The following NOS1AP variants were observed in gnomAD, a reference collection of about 807,000 sequenced individuals.
The protein encoded by NOS1AP is nitric oxide synthase 1 adaptor protein, also known as carboxyl-terminal PDZ ligand of neuronal nitric oxide synthase protein.
In NOS1AP, 21 loss-of-function variants were observed where a neutral mutation model predicts 56.2. The ratio of observed to expected loss-of-function variants is 0.37; its 90% CI spans 0.26 to 0.54. The LOEUF (loss-of-function observed/expected upper bound fraction) is 0.54. Ranked by LOEUF, NOS1AP falls within the 20% of genes least tolerant of loss-of-function variation. NOS1AP has a pLI of 0.84. For synonymous variants in NOS1AP, 270 were observed against 274.6 expected (o/e 0.98, Z 0.17); for missense variants, 522 against 657.8 (o/e 0.79, Z 2.26).
Position 162,107,478 on chromosome 1 carries a change from T to A in NOS1AP, c.105+37196T>A, listed in dbSNP as rs557996075. On this transcript the variant is annotated intron_variant, in intron 1 of 9. Coordinates refer to ENST00000361897, the MANE Select transcript of NOS1AP (RefSeq NM_014697.3). ...CCTTCTTAGTAGCTAGGACTATAGG[T>A]GTGCACCACCACACTCAGCTAATTT... is the stretch of plus-strand genomic sequence containing the variant. Among the ~76,000 whole-genome samples, 548 of 152,296 alleles carry A rather than the reference T, an allele frequency of 3.6e-3. 2 individuals are homozygous for A. The highest frequency in any genetic ancestry group is 0.012 in the African/African-American group (514 of 41,568).
intron 8 of NOS1AP, among the ~76,000 whole-genome samples, chr1:162,359,469 C>T (rs1170947087): frequency 1.3e-5 from 2 of 151,756 alleles, no homozygotes; most frequent in African/African-American, 4.9e-5. Flanking sequence ...TTGTACATTT[C>T]AGCTGGCTTT....
intron 1 of NOS1AP, among the ~76,000 whole-genome samples, chr1:162,116,322 G>A (rs1000103295): frequency 1.1e-4 from 16 of 152,134 alleles, no homozygotes; most frequent in African/African-American, 2.7e-4. Flanking sequence ...CTTCCAGAAC[G>A]GGCTGCTCCC....
chr1:162,081,976 T>C (rs2102015543), intron 1 of NOS1AP, among the ~76,000 whole-genome samples: 1 of 151,470 alleles, frequency 6.6e-6, no homozygotes, highest in East Asian at 1.9e-4. Flanking sequence ...CATGTGCAGG[T>C]TTGTTGCATA....
chr1:162,223,624 TTTAA>T (rs1295945997), intron 2 of NOS1AP, among the ~76,000 whole-genome samples: 4 of 152,112 alleles, frequency 2.6e-5, no homozygotes, highest in Non-Finnish European at 4.4e-5. Flanking sequence ...AGAAAAAAAA[TTTAA>T]TTGTGTTTAT....
chr1:162,252,437 C>T (rs1653895652), intron 2 of NOS1AP, among the ~76,000 whole-genome samples: 2 of 152,114 alleles, frequency 1.3e-5, no homozygotes, highest in Non-Finnish European at 1.5e-5. Context: ...GTTATCTCTG[C>T]ATGTTGCCTC....
chr1:162,070,107 C>T lies in NOS1AP; in HGVS notation c.-71C>T. 4.7e-6 allele frequency: 6 copies of T among 1,269,438 alleles called. No individual in the cohort carries two copies. The highest frequency in any genetic ancestry group is 6.9e-6 in the Non-Finnish European group (6 of 871,456). 78.6% of individuals were successfully genotyped at this position (1,269,438 alleles called of 1,614,324 possible). The stretch of plus-strand genomic sequence containing the variant: ...GTCGCCGCGCCCAGCTCCAGTCTCC[C>T]CTCCCCGGGGTCTCGCCAGCCCCTT... On this transcript the variant is annotated 5_prime_UTR_variant, in exon 1 of 10. Coordinates refer to ENST00000361897, the MANE Select transcript of NOS1AP (RefSeq NM_014697.3).
At chr1:162,156,813 C>A (rs1649996197) in intron 2 of NOS1AP, among the ~76,000 whole-genome samples, 1 of 151,976 alleles carries the variant, frequency 6.6e-6, no homozygotes, top group Non-Finnish European at 1.5e-5. Flanking sequence ...GTTATTATTA[C>A]ATTTTATAGA....
rs565786964 is a variant in NOS1AP, at chr1:162,289,464, C to CTTTTTTTTTTTTTTTTT, written c.270+2032_270+2033insTTTTTTTTTTTTTTTTT. Among the ~76,000 whole-genome samples, 4 of 45,050 alleles carry CTTTTTTTTTTTTTTTTT rather than the reference C, an allele frequency of 8.9e-5. 2 individuals are homozygous for CTTTTTTTTTTTTTTTTT. 29.6% of individuals were successfully genotyped at this position (45,050 alleles called of 152,430 possible). A position where few individuals can be genotyped will look rare whatever the true frequency, so the allele number is the denominator to read the frequency against. On this transcript the variant is annotated intron_variant, in intron 3 of 9. Coordinates refer to ENST00000361897, the MANE Select transcript of NOS1AP (RefSeq NM_014697.3). ...TGGCGCCTGCCACCACGCCCAGCTA[C>CTTTTTTTTTTTTTTTTT]TTTTCTTTTTTTTTTTTTTTTTTTT...
chr1:162,247,693 T>TC (rs58094158), intron 2 of NOS1AP, among the ~76,000 whole-genome samples: 6,883 of 151,896 alleles, frequency 0.045, 460 homozygotes, highest in African/African-American at 0.16. Flanking sequence ...TTTTGTCCCG[T>TC]CCCCCCCACA....
chr1:162,226,278 A>C (rs1652937990), intron 2 of NOS1AP, among the ~76,000 whole-genome samples: 1 of 151,064 alleles, frequency 6.6e-6, no homozygotes, highest in African/African-American at 2.4e-5. Flanking sequence ...CCAAAAAAAG[A>C]AAAGAAAAGA....
intron 2 of NOS1AP, among the ~76,000 whole-genome samples, chr1:162,225,310 A>G (rs2101662092): frequency 6.6e-6 from 1 of 152,262 alleles, no homozygotes; most frequent in African/African-American, 2.4e-5. Context: ...TTCTGTCTGC[A>G]CTGCCTCTTC....
At chr1:162,358,082 C>T (rs556560308) in intron 8 of NOS1AP, among the ~76,000 whole-genome samples, 3 of 152,328 alleles carry the variant, frequency 2.0e-5, no homozygotes, top group East Asian at 3.9e-4. Context: ...CATCAACATT[C>T]TAAATCTGCT....
intron 2 of NOS1AP, among the ~76,000 whole-genome samples, chr1:162,252,928 A>G (rs558726169): frequency 4.3e-4 from 65 of 152,306 alleles, no homozygotes; most frequent in African/African-American, 1.3e-3. Context: ...TATTACAGAA[A>G]GTTCTGTTGG....
At chr1:162,163,203 A>G (rs1557812436) in intron 2 of NOS1AP, among the ~76,000 whole-genome samples, 1 of 152,204 alleles carries the variant, frequency 6.6e-6, no homozygotes, top group Non-Finnish European at 1.5e-5. Context: ...ATTCATTTAA[A>G]CACGGGGTGT....
chr1:162,168,366 T>A (rs2102124412), intron 2 of NOS1AP, among the ~76,000 whole-genome samples: 1 of 152,386 alleles, frequency 6.6e-6, no homozygotes, highest in Non-Finnish European at 1.5e-5. Context: ...CTGTTGAAGC[T>A]GGTCCACACT....
At chr1:162,168,373 C>G (rs1650603555) in intron 2 of NOS1AP, among the ~76,000 whole-genome samples, 1 of 152,230 alleles carries the variant, frequency 6.6e-6, no homozygotes, top group Non-Finnish European at 1.5e-5. Flanking sequence ...AGCTGGTCCA[C>G]ACTTTTCTGG....
chr1:162,175,027 C>T (rs892941408), intron 2 of NOS1AP, among the ~76,000 whole-genome samples: 5 of 152,132 alleles, frequency 3.3e-5, no homozygotes, highest in African/African-American at 4.8e-5. Context: ...ATGGCATTCT[C>T]ATCATATAAT....
At chr1:162,328,827 G>C (rs1320729668) in intron 4 of NOS1AP, among the ~76,000 whole-genome samples, 2 of 152,234 alleles carry the variant, frequency 1.3e-5, no homozygotes, top group African/African-American at 4.8e-5. Context: ...TACTTTGTTA[G>C]AGAGTGAATT....
chr1:162,121,170 G>GT (rs992103142), intron 1 of NOS1AP, among the ~76,000 whole-genome samples: 6 of 101,540 alleles, frequency 5.9e-5, no homozygotes, highest in Admixed American at 1.1e-4. Context: ...TTTTTTTTTT[G>GT]TTTTTTGTTT....
Sources: gnomAD v4.1 joint callset for allele counts (sites outside exome capture counted in the v4.1 genomes callset) on GRCh38, gnomAD v4.1.1 for gene constraint, MANE v1.5 for transcripts, NCBI Gene and HGNC (gene_info 2026-07-23, HGNC 2026-07-21) for gene names.